CTHRC1: variants seen among roughly 807,000 people sequenced by gnomAD.
The protein encoded by CTHRC1 is collagen triple helix repeat-containing protein 1.
Under a neutral mutation model 25.9 loss-of-function variants are expected in CTHRC1, and 21 were observed. That is an observed-to-expected ratio of 0.81 (90% confidence interval 0.57 to 1.17). The LOEUF is 1.17. CTHRC1 is among the 50% of genes most tolerant of loss of function. CTHRC1 has a pLI of 0.00. For missense variants in CTHRC1, 281 were observed against 304.3 expected (o/e 0.92, Z 0.57); for synonymous variants, 109 against 113.1 (o/e 0.96, Z 0.23).
chr8:103,375,597 TAATAA>T, intron 1 of CTHRC1, 136 bp from the exon 2 acceptor site: 1 of 746,016 alleles, frequency 1.3e-6, no homozygotes, highest in Non-Finnish European at 2.4e-6. Flanking sequence ...GAATTCTCTG[TAATAA>T]CTCATCTAGA....
At chr8:103,377,067 A>G (rs1815816981) in intron 2 of CTHRC1, 1 of 152,176 alleles carries the variant, frequency 6.6e-6, no homozygotes, top group South Asian at 2.1e-4. Context: ...CCTTTTAGCA[A>G]TGGTCAGGAT....
intron 2 of CTHRC1, among the ~76,000 whole-genome samples, chr8:103,376,870 T>C (rs892114933): frequency 2.6e-5 from 4 of 152,250 alleles, no homozygotes; most frequent in Non-Finnish European, 5.9e-5. Flanking sequence ...TCCATAGTTA[T>C]GATGACTATG....
chr8:103,379,125 A>C (rs2130406540), intron 3 of CTHRC1, among the ~76,000 whole-genome samples: 1 of 152,348 alleles, frequency 6.6e-6, no homozygotes, highest in South Asian at 2.1e-4. Context: ...GAATTTGTAA[A>C]AGACAAAATT....
chr8:103,375,507 A>ATGTG (rs141431654), intron 1 of CTHRC1, among the ~76,000 whole-genome samples: 4 of 151,732 alleles, frequency 2.6e-5, no homozygotes, highest in Admixed American at 6.6e-5. Context: ...TCCTCCTCTG[A>ATGTG]TGTGTGTGTG....
At chr8:103,379,836 C>T (rs1449343878) in intron 3 of CTHRC1, among the ~76,000 whole-genome samples, 1 of 152,164 alleles carries the variant, frequency 6.6e-6, no homozygotes, top group Non-Finnish European at 1.5e-5. Context: ...CAATCAAGGG[C>T]ATCCCCTCCA....
In CTHRC1 at chr8:103,382,516, T is replaced by C. The variant is rs3098233; in HGVS notation, c.648T>C (p.Gly216=). 0.77 allele frequency: 1,247,299 copies of C among 1,612,944 alleles called. 483,266 individuals are homozygous for C. The highest frequency in any genetic ancestry group is 0.84 in the Middle Eastern group (5,064 of 6,054). ...AGLVDVAIWV[G]TCSDYPKGDA... ...TAGTGGATGTTGCTATCTGGGTTGGTACTTGTTCAGATTACCCAAAAGGAG... is the reference window on the plus strand; with the variant it reads ...TAGTGGATGTTGCTATCTGGGTTGGCACTTGTTCAGATTACCCAAAAGGAG... The change falls in exon 4 of 4, where the codon GGT becomes GGC. Residue 216 remains glycine, a synonymous_variant. Transcript: ENST00000330295.
At chr8:103,372,442 A>G (rs1185936357) in intron 1 of CTHRC1, 2 of 1,527,440 alleles carry the variant, frequency 1.3e-6, no homozygotes, top group Non-Finnish European at 1.7e-6. Context: ...CAGAAGGTTT[A>G]AGGCCGGAAA....
chr8:103,375,917 A>G lies in CTHRC1; in HGVS notation c.330A>G (p.Ser110=), dbSNP rs760330177. 61 of 1,614,040 alleles carry G rather than the reference A, an allele frequency of 3.8e-5. No homozygotes were observed. The highest frequency in any genetic ancestry group is 5.2e-5 in the Non-Finnish European group (61 of 1,180,000). ...ESWTPNYKQC[S]WSSLNYGIDL... Reference sequence around the variant, plus strand: ...GGACACCCAACTACAAGCAGTGTTCATGGAGTTCATTGAATTATGGCATAG... The same window carrying G: ...GGACACCCAACTACAAGCAGTGTTCGTGGAGTTCATTGAATTATGGCATAG... The change falls in exon 2 of 4, where the codon TCA becomes TCG. Residue 110 remains serine (S), a synonymous_variant. Coordinates refer to ENST00000330295, the MANE Select transcript of CTHRC1 (RefSeq NM_138455.4).
chr8:103,375,717 G>T (rs1036287767), intron 1 of CTHRC1, 21 bp from the exon 2 acceptor site: 2 of 1,596,726 alleles, frequency 1.3e-6, no homozygotes, highest in Non-Finnish European at 1.7e-6. Context: ...AGTTTTCTTT[G>T]CCTTTTCTTT....
chr8:103,372,644 G>T (rs773075153), intron 1 of CTHRC1: 36 of 1,597,842 alleles, frequency 2.3e-5, no homozygotes, highest in South Asian at 2.2e-4. Flanking sequence ...CTTTCCAGGG[G>T]CTCATCTGTG....
intron 3 of CTHRC1, among the ~76,000 whole-genome samples, chr8:103,381,646 A>G (rs1815912575): frequency 6.6e-6 from 1 of 152,126 alleles, no homozygotes; most frequent in African/African-American, 2.4e-5. Flanking sequence ...GTAAAATGGG[A>G]TTCCCAGATT....
intron 3 of CTHRC1, among the ~76,000 whole-genome samples, chr8:103,378,916 C>G (rs1815856046): frequency 6.6e-6 from 1 of 152,066 alleles, no homozygotes; most frequent in Non-Finnish European, 1.5e-5. Context: ...TGGCTTCAGC[C>G]CAGGAGGCAG....
chr8:103,371,668 G>A lies in CTHRC1; in HGVS notation c.12G>A (p.Gln4=), dbSNP rs533547163. 2.6e-3 allele frequency: 3,984 copies of A among 1,533,454 alleles called. 11 individuals carry two copies. Among genetic ancestry groups the A allele is most frequent in the Non-Finnish European group, 3.2e-3 (3,664 of 1,141,250 alleles). The allele number at this position is 1,533,454 out of a possible 1,614,324, so 95.0% of individuals were successfully genotyped here. A position where few individuals can be genotyped will look rare whatever the true frequency, so the allele number is the denominator to read the frequency against. Residue 4 remains glutamine, a synonymous_variant, in exon 1 of 4, where the codon CAG becomes CAA. Coordinates refer to ENST00000330295, the MANE Select transcript of CTHRC1 (RefSeq NM_138455.4). MRP[Q]GPAASPQRLR... is the part of the protein sequence containing the mutation. ...GGCAGCCGGGAGCCATGCGACCCCA[G>A]GGCCCCGCCGCCTCCCCGCAGCGGC...
In CTHRC1 at chr8:103,371,592, C is replaced by A; in HGVS notation, c.-65C>A. 1 of 1,507,024 alleles carries A rather than the reference C, an allele frequency of 6.6e-7. No homozygotes were observed. Among genetic ancestry groups the A allele is most frequent in the Non-Finnish European group, 8.9e-7 (1 of 1,126,788 alleles). 93.4% of individuals were successfully genotyped at this position (1,507,024 alleles called of 1,614,324 possible). A position where few individuals can be genotyped will look rare whatever the true frequency, so the allele number is the denominator to read the frequency against. On this transcript the variant is annotated 5_prime_UTR_variant, in exon 1 of 4. The change creates a new upstream start codon in the 5' untranslated region. Transcript: ENST00000330295. ...CCTCGGAGCGCGGCGGAGCCAGACG[C>A]TGACCACGTTCCTCTCCTCGGTCTC...
chr8:103,378,157 G>C lies in CTHRC1; in HGVS notation c.503G>C (p.Gly168Ala). ...YFTFNGAECSGPLPIEAIIYL... is the reference protein window; with the variant it reads ...YFTFNGAECSAPLPIEAIIYL... ...ACATTCAATGGAGCTGAATGTTCAG[G>C]ACCTCTTCCCATTGAAGCTATAATT... Residue 168 changes from glycine to alanine, a missense_variant, in exon 3 of 4, where the codon GGA becomes GCA. Gly to Ala is a moderately conservative substitution (Grantham distance 60). Transcript: ENST00000330295. 1 of 1,614,084 alleles carries C rather than the reference G, an allele frequency of 6.2e-7. No individual in the cohort carries two copies. The highest frequency in any genetic ancestry group is 8.5e-7 in the Non-Finnish European group (1 of 1,179,956).
chr8:103,373,046 CTATTT>C (rs1485292994), intron 1 of CTHRC1, among the ~76,000 whole-genome samples: 1 of 152,134 alleles, frequency 6.6e-6, no homozygotes, highest in Non-Finnish European at 1.5e-5. Flanking sequence ...GGCAACAGTT[CTATTT>C]TAAGTGTCCA....
At chr8:103,376,673 T>C (rs888129718) in intron 2 of CTHRC1, among the ~76,000 whole-genome samples, 2 of 152,236 alleles carry the variant, frequency 1.3e-5, no homozygotes, top group Non-Finnish European at 2.9e-5. Flanking sequence ...TGTACATGGT[T>C]CCATATTCAC....
rs915805524 is a variant in CTHRC1 at position 103,371,713 on chromosome 8, C to T, written c.57C>T (p.Leu19=). 7.2e-6 allele frequency: 11 copies of T among 1,536,662 alleles called. No individual in the cohort carries two copies. Among genetic ancestry groups the T allele is most frequent in the Non-Finnish European group, 9.6e-6 (11 of 1,142,134 alleles). ...SPQRLRGLLL[L]LLLQLPAPSS... is the part of the protein sequence containing the mutation. ...AGCGGCTCCGCGGCCTCCTGCTGCT[C>T]CTGCTGCTGCAGCTGCCCGCGCCGT... Residue 19 remains leucine (L), a synonymous_variant, in exon 1 of 4, where the codon CTC becomes CTT. Coordinates refer to ENST00000330295, the MANE Select transcript of CTHRC1 (RefSeq NM_138455.4).
chr8:103,382,535 AAAG>A lies in CTHRC1; in HGVS notation c.668_670del (p.Lys223_Gly224delinsArg). The A allele has an allele frequency of 6.2e-7, 1 of 1,613,354 alleles. No individual in the cohort carries two copies. On this transcript the variant is annotated inframe_deletion, in exon 4 of 4. Transcript: ENST00000330295. ...GGTTGGTACTTGTTCAGATTACCCA[AAAG>A]GAGATGCTTCTACTGGATGGAATTC...
Sources: allele counts gnomAD v4.1 joint callset (sites outside exome capture counted in the v4.1 genomes callset), GRCh38; gene constraint gnomAD v4.1.1; transcripts MANE v1.5; gene names NCBI Gene and HGNC (gene_info 2026-07-23, HGNC 2026-07-21).